Variants in POLQ observed in about 807,000 individuals in gnomAD.
The protein encoded by POLQ is DNA polymerase theta, also known as epididymis secretory sperm binding protein.
Under a neutral mutation model 259.2 loss-of-function variants are expected in POLQ, and 233 were observed. The observed-to-expected ratio is 0.90, with a 90% CI of 0.81 to 1.00. The LOEUF is 1.00. Among genes scored for constraint, POLQ ranks in the 50% least tolerant of loss-of-function variants. The probability of loss-of-function intolerance (pLI) is 0.00; values close to 1 mark genes in which losing one functional copy is unlikely to be tolerated. For synonymous variants in POLQ, 1,025 were observed against 1,048.8 expected (o/e 0.98, Z 0.44); for missense variants, 2,871 against 3,051.6 (o/e 0.94, Z 1.39).
rs552482173 is a variant in POLQ at position 121,523,528 on chromosome 3, G to A, written c.1109-1379C>T. On this transcript the variant is annotated intron_variant, in intron 7 of 29. Coordinates refer to ENST00000264233, the MANE Select transcript of POLQ (RefSeq NM_199420.4). ...GGAGTTTGAGACCAGCCTGGGAAAT[G>A]TGGCAAAATCCCATCTCTAAAAAAA... is the stretch of plus-strand genomic sequence containing the variant. Among the ~76,000 whole-genome samples, 155 of 152,004 alleles carry A rather than the reference G, an allele frequency of 1.0e-3. 1 individual carries two copies. Among genetic ancestry groups the A allele is most frequent in the Non-Finnish European group, 1.2e-4 (8 of 67,974 alleles).
At chr3:121,527,457 A>G (rs185763947) in intron 7 of POLQ, among the ~76,000 whole-genome samples, 1 of 152,298 alleles carries the variant, frequency 6.6e-6, no homozygotes, top group African/African-American at 2.4e-5. Context: ...TTGGCCTTCC[A>G]AAGTGCTGGA....
At chr3:121,448,226 G>C (rs1394125538) in intron 26 of POLQ, among the ~76,000 whole-genome samples, 1 of 151,824 alleles carries the variant, frequency 6.6e-6, no homozygotes, top group Non-Finnish European at 1.5e-5. Flanking sequence ...TATCTCCTCT[G>C]TGAATTTCCA....
At chr3:121,512,114 G>A in intron 9 of POLQ, 85 bp from the exon 10 acceptor site, 1 of 1,184,258 alleles carries the variant, frequency 8.4e-7, no homozygotes, top group Middle Eastern at 2.3e-4. Context: ...GCCTTACTTT[G>A]CTTAAAAGCA....
At chr3:121,443,209 T>C (rs1360264403) in intron 26 of POLQ, among the ~76,000 whole-genome samples, 1 of 152,254 alleles carries the variant, frequency 6.6e-6, no homozygotes, top group Non-Finnish European at 1.5e-5. Flanking sequence ...TGTACTAATT[T>C]ACATTCCCAC....
chr3:121,433,343 C>A (rs1023234787), intron 28 of POLQ, among the ~76,000 whole-genome samples: 23 of 152,170 alleles, frequency 1.5e-4, no homozygotes, highest in African/African-American at 5.1e-4. Flanking sequence ...TCCATGGAGT[C>A]CCCCAACCAC....
At chr3:121,455,607 T>C (rs1384047556) in intron 25 of POLQ, among the ~76,000 whole-genome samples, 3 of 151,372 alleles carry the variant, frequency 2.0e-5, no homozygotes, top group Non-Finnish European at 2.9e-5. Flanking sequence ...TACAAACACC[T>C]CTACGCAAAT....
intron 7 of POLQ, among the ~76,000 whole-genome samples, chr3:121,526,820 G>A (rs891314738): frequency 1.2e-4 from 18 of 151,892 alleles, no homozygotes; most frequent in African/African-American, 4.1e-4. Context: ...TTCTCAAATC[G>A]TAGTAGAGTC....
rs1311544229 is a variant in POLQ, at chr3:121,489,555, T to C, written c.3376A>G (p.Ile1126Val). The C allele has an allele frequency of 8.1e-6, 13 of 1,613,428 alleles. No individual in the cohort carries two copies. Among genetic ancestry groups the C allele is most frequent in the Middle Eastern group, 1.6e-4 (1 of 6,062 alleles). Residue 1126 changes from isoleucine to valine, a missense_variant, in exon 16 of 30, where the codon ATA becomes GTA. Coordinates refer to ENST00000264233, the MANE Select transcript of POLQ (RefSeq NM_199420.4). The stretch of plus-strand genomic sequence containing the variant: ...ACAAAATTATCATTAGTTAGTGTTA[T>C]GTTCCATGAACAATTTTGCTTTATT... ...LQIKQNCSWN[I>V]TLTNDNFVEH...
intron 24 of POLQ, among the ~76,000 whole-genome samples, chr3:121,466,647 G>C (rs541031557): frequency 6.7e-6 from 1 of 149,188 alleles, no homozygotes; most frequent in Non-Finnish European, 1.5e-5. Context: ...CCGAGATCAC[G>C]CCATTGCACT....
Position 121,533,103 on chromosome 3 carries a change from A to G in POLQ, c.847T>C (p.Tyr283His). ...LVASWLNAEL[Y>H]HTDFRPVPLL... The stretch of plus-strand genomic sequence containing the variant: ...GGTACAGGGCGAAAGTCGGTATGGT[A>G]GAGTTCAGCATTCAACCAGGAAGCC... The change falls in exon 6 of 30, where the codon TAC becomes CAC. Residue 283 changes from tyrosine to histidine, a missense_variant. Around this residue, in one of 3 missense-constraint regions of POLQ, gnomAD observed 783 missense variants for 906.2 expected, o/e 0.86. Coordinates refer to ENST00000264233, the MANE Select transcript of POLQ (RefSeq NM_199420.4). 1 of 1,613,900 alleles carries G rather than the reference A, an allele frequency of 6.2e-7. No individual in the cohort carries two copies. Among genetic ancestry groups the G allele is most frequent in the Non-Finnish European group, 8.5e-7 (1 of 1,179,752 alleles).
At chr3:121,523,546 TA>T (rs989052659) in intron 7 of POLQ, among the ~76,000 whole-genome samples, 4 of 149,698 alleles carry the variant, frequency 2.7e-5, no homozygotes, top group Admixed American at 6.7e-5. Context: ...ATCCCATCTC[TA>T]AAAAAAAATA....
chr3:121,489,406 AT>A lies in POLQ; in HGVS notation c.3524del (p.Asn1175MetfsTer10). 2 of 1,613,852 alleles carry A rather than the reference AT, an allele frequency of 1.2e-6. No individual in the cohort carries two copies. The highest frequency in any genetic ancestry group is 1.7e-6 in the Non-Finnish European group (2 of 1,179,958). The part of the protein sequence containing the change: ...AEKINEVLIQ[N>X]GSKNQNVYMK... ...TATAAACATTCTGGTTTTTTGAACC[AT>A]TTTGTATCAGCACTTCATTTATTTT... On this transcript the variant is annotated frameshift_variant, in exon 16 of 30. Transcript: ENST00000264233. LOFTEE classifies it high-confidence loss of function.
At chr3:121,440,807 T>A (rs1356335043) in intron 26 of POLQ, among the ~76,000 whole-genome samples, 1 of 152,120 alleles carries the variant, frequency 6.6e-6, no homozygotes, top group South Asian at 2.1e-4. Context: ...CATTCCTAGG[T>A]TTAAAACATT....
At chr3:121,444,126 G>A (rs1035043380) in intron 26 of POLQ, among the ~76,000 whole-genome samples, 4 of 151,820 alleles carry the variant, frequency 2.6e-5, no homozygotes, top group African/African-American at 9.7e-5. Context: ...TCTGTGAAGA[G>A]TAAAGAATGT....
At chr3:121,522,361 G>GACTGC (rs2048343609) in intron 7 of POLQ, among the ~76,000 whole-genome samples, 1 of 76,782 alleles carries the variant, frequency 1.3e-5, no homozygotes. Flanking sequence ...CCGGACTGCG[G>GACTGC]ACTGCAGTGG....
chr3:121,529,741 G>A lies in POLQ; in HGVS notation c.1012C>T (p.His338Tyr). 1 of 1,611,482 alleles carries A rather than the reference G, an allele frequency of 6.2e-7. No homozygotes were observed. The highest frequency in any genetic ancestry group is 8.5e-7 in the Non-Finnish European group (1 of 1,178,114). The part of the protein sequence containing the change: ...SLCYETICDN[H>Y]SVLLFCPSKK... The stretch of plus-strand genomic sequence containing the variant: ...GATGGACAAAAAAGTAATACTGAAT[G>A]GTTATCACAAATCGTCTCATAACAT... The change falls in exon 7 of 30, where the codon CAT (histidine) becomes TAT (tyrosine). Residue 338 changes from histidine (H) to tyrosine (Y), a missense_variant. By Grantham distance (83) the His-to-Tyr change is moderately conservative. Transcript: ENST00000264233.
chr3:121,502,643 AG>A (rs2048180496), intron 12 of POLQ, among the ~76,000 whole-genome samples: 1 of 152,220 alleles, frequency 6.6e-6, no homozygotes, highest in Non-Finnish European at 1.5e-5. Flanking sequence ...CCAAATCCAT[AG>A]AAATAAATGA....
Position 121,489,667 on chromosome 3 carries a change from T to C in POLQ, c.3264A>G (p.Lys1088=). 1 of 1,614,042 alleles carries C rather than the reference T, an allele frequency of 6.2e-7. No homozygotes were observed. The highest frequency in any genetic ancestry group is 2.2e-5 in the East Asian group (1 of 44,878). ...CEDPFTLDEK[K]TEFRNSGPFA... ...ATGGCCCTGAATTTCTAAATTCCGT[T>C]TTCTTCTCATCTAAGGTAAACGGGT... The change falls in exon 16 of 30, where the codon AAA becomes AAG. Residue 1088 remains lysine (K), a synonymous_variant. Coordinates refer to ENST00000264233, the MANE Select transcript of POLQ (RefSeq NM_199420.4).
chr3:121,537,351 C>G, intron 4 of POLQ, 143 bp from the exon 5 acceptor site: 1 of 625,516 alleles, frequency 1.6e-6, no homozygotes, highest in Non-Finnish European at 2.9e-6. Flanking sequence ...GGTCTGTTAC[C>G]TGGGTATATT....
Sources: gnomAD v4.1 joint callset for allele counts (sites outside exome capture counted in the v4.1 genomes callset) on GRCh38, gnomAD v4.1.1 for gene constraint, gnomAD v4.1.1 regional missense constraint, MANE v1.5 for transcripts, NCBI Gene and HGNC (gene_info 2026-07-23, HGNC 2026-07-21) for gene names.